Variants in RASGRP2 observed in about 807,000 individuals in gnomAD.
RASGRP2 encodes RAS guanyl-releasing protein 2.
RASGRP2 carries 44 observed loss-of-function variants against 71.0 expected under a neutral mutation model. That is an observed-to-expected ratio of 0.62 (90% CI 0.49 to 0.80). RASGRP2 has a LOEUF of 0.80. RASGRP2 is among the 30% of genes least tolerant of loss of function. The pLI is 0.00. For synonymous variants in RASGRP2, 350 were observed against 330.7 expected (o/e 1.06, Z -0.63); for missense variants, 663 against 813.4 (o/e 0.82, Z 2.25).
At chr11:64,733,853 CTTT>C (rs200730812) in intron 12 of RASGRP2, among the ~76,000 whole-genome samples, 1 of 135,652 alleles carries the variant, frequency 7.4e-6, no homozygotes. Flanking sequence ...CTTTTTTTTT[CTTT>C]TTTTTTTTTT....
chr11:64,742,862 G>C lies in RASGRP2; in HGVS notation c.5C>G (p.Ala2Gly). The change falls in exon 2 of 17, where the codon GCA (alanine) becomes GGA (glycine). Residue 2 changes from alanine (A) to glycine (G), a missense_variant. Ala to Gly is a moderately conservative substitution (Grantham distance 60). Transcript: ENST00000394432. The surrounding 1 kb of genome is among the most constrained non-coding windows in gnomAD (Gnocchi z 4.7). ...GCCCTTGTCCAGGTCCAGGGTGCCT[G>C]CCATGGCCGCCGGCGCGGGGTGGGC... is the stretch of plus-strand genomic sequence containing the variant. The part of the protein sequence containing the change: M[A>G]GTLDLDKGCT... The C allele has an allele frequency of 6.3e-7, 1 of 1,594,078 alleles. No homozygotes were observed. Among genetic ancestry groups the C allele is most frequent in the Admixed American group, 1.7e-5 (1 of 57,888 alleles).
At chr11:64,729,881 G>T in intron 13 of RASGRP2, 83 bp from the exon 14 acceptor site, 1 of 1,587,542 alleles carries the variant, frequency 6.3e-7, no homozygotes, top group Non-Finnish European at 8.6e-7. Context: ...TGAGACTAGG[G>T]CTTTAGAGCC....
In RASGRP2 at chr11:64,742,253, G is replaced by C. The variant is rs2058152846; in HGVS notation, c.74-141C>G. 1 of 721,002 alleles carries C rather than the reference G, an allele frequency of 1.4e-6. No individual in the cohort carries two copies. The highest frequency in any genetic ancestry group is 2.5e-6 in the Non-Finnish European group (1 of 396,004). 44.7% of individuals were successfully genotyped at this position (721,002 alleles called of 1,614,324 possible). The stretch of plus-strand genomic sequence containing the variant: ...ACCTCCTGCTTGCCCAGGACTCCGA[G>C]AGCAGGAGGCAAATTAGAGAGGAAA... On this transcript the variant is annotated intron_variant, in intron 2 of 16. Coordinates refer to ENST00000394432, the MANE Select transcript of RASGRP2 (RefSeq NM_001098671.2). This position sits in a 1 kb window ranked among gnomAD's most constrained non-coding sequence, Gnocchi z 4.7.
At position 64,739,431 on chromosome 11, in the gene RASGRP2, C is replaced by T. The variant is rs587777529; in HGVS notation, c.742G>A (p.Gly248Arg). The T allele has an allele frequency of 3.1e-6, 5 of 1,614,056 alleles. No homozygotes were observed. Among genetic ancestry groups the T allele is most frequent in the Middle Eastern group, 1.6e-4 (1 of 6,084 alleles). The change falls in exon 8 of 17, where the codon GGG becomes AGG. Residue 248 changes from glycine to arginine, a missense_variant. Coordinates refer to ENST00000394432, the MANE Select transcript of RASGRP2 (RefSeq NM_001098671.2). This position sits in a 1 kb window ranked among gnomAD's most constrained non-coding sequence, Gnocchi z 4.2. The part of the protein sequence containing the change: ...QNFNTLMAVV[G>R]GLSHSSISRL... The stretch of plus-strand genomic sequence containing the variant: ...GAGATGGAGCTGTGGCTCAGGCCCC[C>T]GACCACTGCCATCAGCGTGTTGAAG...
At chr11:64,731,172 T>A (rs1291865992) in intron 12 of RASGRP2, among the ~76,000 whole-genome samples, 1 of 152,072 alleles carries the variant, frequency 6.6e-6, no homozygotes, top group Admixed American at 6.5e-5. Flanking sequence ...CTGGCCAACA[T>A]GGCAAAGCCC....
intron 12 of RASGRP2, among the ~76,000 whole-genome samples, chr11:64,734,676 A>T (rs531630297): frequency 1.3e-5 from 2 of 152,246 alleles, no homozygotes; most frequent in South Asian, 4.2e-4. Flanking sequence ...GGCATGTTTA[A>T]CCTACTTCAG....
Position 64,742,637 on chromosome 11 carries a change from C to G in RASGRP2, c.73+157G>C. ...TCTGAAGGGCGTGCATCTCTCTGCC[C>G]TGCGTTGCGGAGGAGGCTTTCGTTA... On this transcript the variant is annotated intron_variant, in intron 2 of 16. Transcript: ENST00000394432. This position sits in a 1 kb window ranked among gnomAD's most constrained non-coding sequence, Gnocchi z 4.7. 2.1e-6 allele frequency: 2 copies of G among 961,572 alleles called. No homozygotes were observed. Among genetic ancestry groups the G allele is most frequent in the Non-Finnish European group, 3.2e-6 (2 of 627,058 alleles). 59.6% of individuals were successfully genotyped at this position (961,572 alleles called of 1,614,324 possible).
In RASGRP2 at chr11:64,728,989, G is replaced by A. The variant is rs757961182; in HGVS notation, c.1645C>T (p.Arg549Trp). The stretch of plus-strand genomic sequence containing the variant: ...AGGCTCACACTCTGGGCCCTGCGCC[G>A]ACACTCAACTGACAGGCGATCCTTG... ...QCKDRLSVECRRRAQSVSLEG... is the reference protein window; with the variant it reads ...QCKDRLSVECWRRAQSVSLEG... Residue 549 changes from arginine (R) to tryptophan (W), a missense_variant, in exon 15 of 17, where the codon CGG (arginine) becomes TGG (tryptophan). Physicochemically the swap from Arg to Trp is moderately radical, Grantham distance 101. Coordinates refer to ENST00000394432, the MANE Select transcript of RASGRP2 (RefSeq NM_001098671.2). 2.7e-5 allele frequency: 44 copies of A among 1,608,990 alleles called. No homozygotes were observed. The highest frequency in any genetic ancestry group is 3.3e-4 in the Middle Eastern group (2 of 6,084).
At chr11:64,730,750 T>C (rs2057738853) in intron 12 of RASGRP2, among the ~76,000 whole-genome samples, 1 of 152,242 alleles carries the variant, frequency 6.6e-6, no homozygotes, top group Non-Finnish European at 1.5e-5. Context: ...AGACCTCAGT[T>C]CAAATCGCAG....
intron 12 of RASGRP2, among the ~76,000 whole-genome samples, chr11:64,730,667 A>G (rs1324307762): frequency 1.3e-5 from 2 of 152,232 alleles, no homozygotes; most frequent in African/African-American, 4.8e-5. Flanking sequence ...CACATAACCC[A>G]GGGCTTTCCG....
At chr11:64,738,942 GCAAAACCC>G (rs1338648929) in intron 8 of RASGRP2, among the ~76,000 whole-genome samples, 2 of 141,108 alleles carry the variant, frequency 1.4e-5, no homozygotes, top group Non-Finnish European at 3.1e-5. Context: ...GGGCAACATG[GCAAAACCC>G]CATCTCTAAA....
chr11:64,731,520 A>T (rs1003932115), intron 12 of RASGRP2, among the ~76,000 whole-genome samples: 1 of 152,202 alleles, frequency 6.6e-6, no homozygotes, highest in Non-Finnish European at 1.5e-5. Flanking sequence ...AACATAAATG[A>T]CAGACAGGGA....
At position 64,744,137 on chromosome 11, in the gene RASGRP2, G is replaced by C; in HGVS notation, c.-206C>G. 1.0e-6 allele frequency: 1 copy of C among 987,018 alleles called. No homozygotes were observed. Among genetic ancestry groups the C allele is most frequent in the African/African-American group, 1.7e-5 (1 of 57,384 alleles). 61.1% of individuals were successfully genotyped at this position (987,018 alleles called of 1,614,324 possible). On this transcript the variant is annotated 5_prime_UTR_variant, in exon 1 of 17. Coordinates refer to ENST00000394432, the MANE Select transcript of RASGRP2 (RefSeq NM_001098671.2). ...TCCTCACACGTGTGCACACACGCAAGGCAGTGCCTCTCCACGCATGTACAC... is the reference window on the plus strand; with the variant it reads ...TCCTCACACGTGTGCACACACGCAACGCAGTGCCTCTCCACGCATGTACAC...
chr11:64,728,843 A>T lies in RASGRP2; in HGVS notation c.1771+20T>A. The T allele has an allele frequency of 5.6e-6, 9 of 1,595,518 alleles. No individual in the cohort carries two copies. In the South Asian group the frequency reaches 1.0e-4, roughly 18 times the overall value. On this transcript the variant is annotated intron_variant, in intron 15 of 16. Coordinates refer to ENST00000394432, the MANE Select transcript of RASGRP2 (RefSeq NM_001098671.2). The stretch of plus-strand genomic sequence containing the variant: ...TGCATCCTTCCCTCCACAGGCCAGT[A>T]CAGAATGACTCCCTCTTACCTGGAG...
Position 64,742,668 on chromosome 11 carries a change from A to G in RASGRP2, c.73+126T>C. The G allele has an allele frequency of 1.6e-6, 2 of 1,280,124 alleles. No homozygotes were observed. The highest frequency in any genetic ancestry group is 2.5e-5 in the South Asian group (2 of 78,600). 79.3% of individuals were successfully genotyped at this position (1,280,124 alleles called of 1,614,324 possible). On this transcript the variant is annotated intron_variant, in intron 2 of 16. Coordinates refer to ENST00000394432, the MANE Select transcript of RASGRP2 (RefSeq NM_001098671.2). This position sits in a 1 kb window ranked among gnomAD's most constrained non-coding sequence, Gnocchi z 4.7. ...TGCGGAGGAGGCTTTCGTTAAAGAG[A>G]CTGCACGCTGCGGAGCAGGGTGGGT...
Position 64,729,974 on chromosome 11 carries a change from G to A in RASGRP2, c.1554+79C>T, listed in dbSNP as rs1168964615. Reference sequence around the variant, plus strand: ...TCCTGGCTTGAGAAGGGCTCTGGCAGAGGCGGGGCCAGAAGGGAGGGCGGG... The same window carrying A: ...TCCTGGCTTGAGAAGGGCTCTGGCAAAGGCGGGGCCAGAAGGGAGGGCGGG... On this transcript the variant is annotated intron_variant, in intron 13 of 16. Coordinates refer to ENST00000394432, the MANE Select transcript of RASGRP2 (RefSeq NM_001098671.2). 3.3e-6 allele frequency: 5 copies of A among 1,522,488 alleles called. No individual in the cohort carries two copies. The Admixed American group carries it at 6.0e-5, about 18-fold the overall frequency. The allele number at this position is 1,522,488 out of a possible 1,614,324, so 94.3% of individuals were successfully genotyped here. A position where few individuals can be genotyped will look rare whatever the true frequency, so the allele number is the denominator to read the frequency against.
Position 64,735,433 on chromosome 11 carries a change from T to C in RASGRP2, c.1296+109A>G. 1.9e-6 allele frequency: 3 copies of C among 1,583,082 alleles called. No individual in the cohort carries two copies. The highest frequency in any genetic ancestry group is 2.6e-6 in the Non-Finnish European group (3 of 1,159,884). On this transcript the variant is annotated intron_variant, in intron 11 of 16. Transcript: ENST00000394432. The surrounding 1 kb of genome is among the most constrained non-coding windows in gnomAD (Gnocchi z 4.2). ...CTGGCCTGCCAGGCCCTGTGACTCCTAGGGGCTGAGTGCTGGGTCTTGAAC... is the reference window on the plus strand; with the variant it reads ...CTGGCCTGCCAGGCCCTGTGACTCCCAGGGGCTGAGTGCTGGGTCTTGAAC...
Position 64,727,102 on chromosome 11 carries a change from G to A in RASGRP2, c.*36C>T. The stretch of plus-strand genomic sequence containing the variant: ...GCTCTGGTTGAAGTATTTTCTCCAA[G>A]GCAGGAATGAGTCCTTGATCCAACC... On this transcript the variant is annotated 3_prime_UTR_variant, in exon 17 of 17. Transcript: ENST00000394432. 1 of 463,374 alleles carries A rather than the reference G, an allele frequency of 2.2e-6. No homozygotes were observed. The highest frequency in any genetic ancestry group is 1.9e-5 in the South Asian group (1 of 53,334). 28.7% of individuals were successfully genotyped at this position (463,374 alleles called of 1,614,324 possible).
chr11:64,740,411 G>C (rs1249276914), intron 5 of RASGRP2: 2 of 675,768 alleles, frequency 3.0e-6, no homozygotes, highest in South Asian at 3.0e-5. Context: ...ACAGAGATGA[G>C]TAAGACACGG....
Sources: gnomAD v4.1 joint callset for allele counts (sites outside exome capture counted in the v4.1 genomes callset) on GRCh38, gnomAD v4.1.1 for gene constraint, Gnocchi (gnomAD v3.1) non-coding constraint, MANE v1.5 for transcripts, NCBI Gene and HGNC (gene_info 2026-07-23, HGNC 2026-07-21) for gene names.